The following RANBP2 variants were observed in gnomAD, a reference collection of about 807,000 sequenced individuals.
RANBP2 encodes the protein E3 SUMO-protein ligase RanBP2.
RANBP2 carries 57 observed loss-of-function variants against 303.6 expected under a neutral mutation model. The ratio of observed to expected loss-of-function variants is 0.19; its 90% CI spans 0.15 to 0.23. RANBP2 has a LOEUF of 0.23. RANBP2 is among the 10% of genes least tolerant of loss of function. The probability of loss-of-function intolerance (pLI) is 1.00; values close to 1 mark genes in which losing one functional copy is unlikely to be tolerated. For synonymous variants in RANBP2, 1,167 were observed against 1,301.5 expected, an observed-to-expected ratio of 0.90 and a Z score of 2.23; for missense variants, 3,138 against 3,780.8, an observed-to-expected ratio of 0.83 and a Z score of 4.46.
At chr2:108,926,532 A>C in the RANBP2 span, among the ~76,000 whole-genome samples, 1 of 152,200 alleles carries the variant, frequency 6.6e-6, no homozygotes, top group African/African-American at 2.4e-5. Flanking sequence ...ACCAGTGCAG[A>C]GTCGCTGTGT....
chr2:109,597,467 GA>G, the RANBP2 span, among the ~76,000 whole-genome samples: 1 of 152,186 alleles, frequency 6.6e-6, no homozygotes, highest in Admixed American at 6.5e-5. Context: ...CATGGTCCTG[GA>G]CCTTGTGACT....
At chr2:109,168,443 TG>T in the RANBP2 span, among the ~76,000 whole-genome samples, 1 of 152,168 alleles carries the variant, frequency 6.6e-6, no homozygotes, top group East Asian at 1.9e-4. Flanking sequence ...GCTTGCGAGA[TG>T]GGCTCTTGGC....
chr2:109,598,918 C>T, the RANBP2 span, among the ~76,000 whole-genome samples: 1 of 151,892 alleles, frequency 6.6e-6, no homozygotes, highest in East Asian at 1.9e-4. Flanking sequence ...ATTATCTGGG[C>T]CTATTTTATG....
At chr2:109,574,083 T>A in the RANBP2 span, among the ~76,000 whole-genome samples, 1 of 152,158 alleles carries the variant, frequency 6.6e-6, no homozygotes, top group Admixed American at 6.5e-5. Flanking sequence ...CTTCTTTGCA[T>A]CTCATCTTCC....
the RANBP2 span, among the ~76,000 whole-genome samples, chr2:108,945,061 T>C: frequency 1.3e-5 from 2 of 152,308 alleles, no homozygotes. Flanking sequence ...TACAGTCTGG[T>C]GCTTTCTGCC....
the RANBP2 span, among the ~76,000 whole-genome samples, chr2:109,178,003 A>C: frequency 6.6e-6 from 1 of 152,214 alleles, no homozygotes; most frequent in Non-Finnish European, 1.5e-5. Flanking sequence ...AGACCTAAAC[A>C]AAGGGCCTAA....
At chr2:109,099,267 C>T in the RANBP2 span, among the ~76,000 whole-genome samples, 1 of 152,222 alleles carries the variant, frequency 6.6e-6, no homozygotes, top group South Asian at 2.1e-4. Flanking sequence ...TAAACATTAA[C>T]TTAATGTTTA....
At chr2:109,517,180 A>G in the RANBP2 span, among the ~76,000 whole-genome samples, 5,809 of 152,186 alleles carry the variant, frequency 0.038, 363 homozygotes, top group African/African-American at 0.13. Context: ...CAAAGGGTAT[A>G]CACAGAGGTC....
chr2:109,477,908 GC>G, the RANBP2 span, among the ~76,000 whole-genome samples: 42 of 152,314 alleles, frequency 2.8e-4, no homozygotes, highest in Non-Finnish European at 4.3e-4. Flanking sequence ...AAGTGCAGCA[GC>G]CCCACACCCT....
the RANBP2 span, among the ~76,000 whole-genome samples, chr2:109,164,080 G>A: frequency 2.6e-5 from 4 of 152,288 alleles, no homozygotes; most frequent in African/African-American, 9.6e-5. Flanking sequence ...CCCACTGGCT[G>A]TGGGGGATGG....
At chr2:109,694,801 ATGTGTGTGTGTGTGTGTG>A in the RANBP2 span, among the ~76,000 whole-genome samples, 1 of 146,330 alleles carries the variant, frequency 6.8e-6, no homozygotes, top group Non-Finnish European at 1.5e-5. Flanking sequence ...ATCCATAGGG[ATGTGTGTGTGTGTGTGTG>A]TGTGTGTGTG....
the RANBP2 span, among the ~76,000 whole-genome samples, chr2:109,041,259 A>T: frequency 6.8e-3 from 1,033 of 152,246 alleles, 6 homozygotes; most frequent in East Asian, 0.035. Context: ...ATAGCATTCA[A>T]AGATAATGGT....
chr2:109,051,755 T>A, the RANBP2 span, among the ~76,000 whole-genome samples: 1 of 151,204 alleles, frequency 6.6e-6, no homozygotes, highest in African/African-American at 2.4e-5. Context: ...CTAAGTTCTT[T>A]TTTTTTTTTT....
chr2:109,380,928 G>A, the RANBP2 span, among the ~76,000 whole-genome samples: 7 of 152,244 alleles, frequency 4.6e-5, no homozygotes, highest in African/African-American at 1.7e-4. Flanking sequence ...ACTCAGCCTT[G>A]CCAGAAAGAA....
At chr2:109,563,608 A>G in the RANBP2 span, among the ~76,000 whole-genome samples, 1 of 152,222 alleles carries the variant, frequency 6.6e-6, no homozygotes, top group African/African-American at 2.4e-5. Flanking sequence ...AAAATTACCA[A>G]GGAAGTTTCT....
At chr2:109,701,495 A>C in the RANBP2 span, among the ~76,000 whole-genome samples, 8 of 152,304 alleles carry the variant, frequency 5.3e-5, no homozygotes, top group South Asian at 1.7e-3. Context: ...TCAGAAGTAG[A>C]CAAGAGACAA....
chr2:109,735,161 A>C, the RANBP2 span, among the ~76,000 whole-genome samples: 1 of 151,506 alleles, frequency 6.6e-6, no homozygotes, highest in Non-Finnish European at 1.5e-5. Flanking sequence ...TATTCTTCCC[A>C]CCTCCCTGCC....
At chr2:109,375,328 G>A in the RANBP2 span, among the ~76,000 whole-genome samples, 4 of 152,150 alleles carry the variant, frequency 2.6e-5, no homozygotes, top group Non-Finnish European at 4.4e-5. Flanking sequence ...TCCTGCGGCC[G>A]TCCCCACGCC....
At chr2:108,926,591 C>T in the RANBP2 span, among the ~76,000 whole-genome samples, 7 of 152,328 alleles carry the variant, frequency 4.6e-5, no homozygotes, top group East Asian at 1.4e-3. Context: ...TGGAGCTCCT[C>T]CGGGGTGAGG....
Sources: allele counts gnomAD v4.1 joint callset (sites outside exome capture counted in the v4.1 genomes callset), GRCh38; gene constraint gnomAD v4.1.1; transcripts MANE v1.5; gene names NCBI Gene and HGNC (gene_info 2026-07-23, HGNC 2026-07-21).